The following PDE6C variants were observed in gnomAD, a reference collection of about 807,000 sequenced individuals.
PDE6C encodes the protein phosphodiesterase 6C.
Under a neutral mutation model 113.1 loss-of-function variants are expected in PDE6C, and 75 were observed. The ratio of observed to expected loss-of-function variants is 0.66; its 90% CI spans 0.55 to 0.80. The LOEUF is 0.80. Among genes scored for constraint, PDE6C ranks in the 30% least tolerant of loss-of-function variants. PDE6C has a pLI of 0.00. For missense variants in PDE6C, 912 were observed against 1,038.6 expected (o/e 0.88, Z 1.67); for synonymous variants, 375 against 363.7 (o/e 1.03, Z -0.35).
intron 8 of PDE6C, among the ~76,000 whole-genome samples, chr10:93,632,082 C>T (rs973891007): frequency 7.2e-5 from 11 of 152,180 alleles, no homozygotes; most frequent in African/African-American, 2.4e-4. Context: ...CCTGGTGACC[C>T]TTCCCCTGGC....
chr10:93,638,940 T>C (rs2058546582), intron 11 of PDE6C, among the ~76,000 whole-genome samples: 1 of 152,224 alleles, frequency 6.6e-6, no homozygotes, highest in Non-Finnish European at 1.5e-5. Context: ...TTGAAATCTG[T>C]GTAAATAGAG....
intron 8 of PDE6C, 89 bp from the exon 9 acceptor site, chr10:93,634,669 G>C (rs374036017): frequency 3.6e-6 from 5 of 1,378,546 alleles, no homozygotes; most frequent in South Asian, 1.2e-5. Flanking sequence ...AAATCTCTCT[G>C]TACATTTCTT....
Position 93,665,533 on chromosome 10 carries a change from T to G in PDE6C, c.*115T>G. On this transcript the variant is annotated 3_prime_UTR_variant, in exon 22 of 22. Transcript: ENST00000371447. Reference sequence around the variant, plus strand: ...AACAGGATCTTCAGAAAAACTACCCTGTGACTATGAAGAAAATATATATTG... The same window carrying G: ...AACAGGATCTTCAGAAAAACTACCCGGTGACTATGAAGAAAATATATATTG... The G allele has an allele frequency of 1.3e-6, 1 of 757,238 alleles. No individual in the cohort carries two copies. Among genetic ancestry groups the G allele is most frequent in the Non-Finnish European group, 2.3e-6 (1 of 432,540 alleles). 46.9% of individuals were successfully genotyped at this position (757,238 alleles called of 1,614,324 possible).
At chr10:93,649,519 T>A (rs990283188) in intron 15 of PDE6C, among the ~76,000 whole-genome samples, 23 of 152,196 alleles carry the variant, frequency 1.5e-4, no homozygotes, top group African/African-American at 5.5e-4. Flanking sequence ...GGACTCCATG[T>A]GTTCCCACTA....
chr10:93,659,156 G>A lies in PDE6C; in HGVS notation c.2197G>A (p.Val733Met). 1 of 1,609,830 alleles carries A rather than the reference G, an allele frequency of 6.2e-7. No homozygotes were observed. Residue 733 changes from valine (V) to methionine (M), a missense_variant, in exon 18 of 22, where the codon GTG becomes ATG. Transcript: ENST00000371447. The stretch of plus-strand genomic sequence containing the variant: ...GTCTGCTATTACCAAGCCCTGGGAG[G>A]TGCAAAGTCAGGTGAGTCCAGTTAA... ...DLSAITKPWEVQSQVALMVAN... is the reference protein window; with the variant it reads ...DLSAITKPWEMQSQVALMVAN...
At chr10:93,619,132 A>ATAAT (rs1277430987) in intron 1 of PDE6C, among the ~76,000 whole-genome samples, 1 of 152,180 alleles carries the variant, frequency 6.6e-6, no homozygotes, top group Non-Finnish European at 1.5e-5. Context: ...AACTAATAAG[A>ATAAT]TAATTGCCTT....
rs575078032 is a variant in PDE6C, at chr10:93,632,303, C to T, written c.1120-2455C>T. Among the ~76,000 whole-genome samples the T allele has an allele frequency of 5.3e-4, 81 of 152,308 alleles. 2 individuals carry two copies. The South Asian group carries it at 0.015, about 29-fold the overall frequency. ...AGTTCCCCTGTGTTGTGTAAGATAA[C>T]ATATTCACAGGTTCCAGAGATTAGG... is the stretch of plus-strand genomic sequence containing the variant. On this transcript the variant is annotated intron_variant, in intron 8 of 21. Coordinates refer to ENST00000371447, the MANE Select transcript of PDE6C (RefSeq NM_006204.4).
chr10:93,639,874 T>C (rs1215357834), intron 11 of PDE6C, among the ~76,000 whole-genome samples, 196 bp from the exon 12 acceptor site: 1 of 152,178 alleles, frequency 6.6e-6, no homozygotes, highest in East Asian at 1.9e-4. Flanking sequence ...ACCTGTAAAA[T>C]GGAGATAATC....
intron 8 of PDE6C, among the ~76,000 whole-genome samples, chr10:93,633,952 A>G (rs1178216887): frequency 6.6e-6 from 1 of 152,216 alleles, no homozygotes; most frequent in Non-Finnish European, 1.5e-5. Context: ...TAGAGTACAT[A>G]TAATGGCTGT....
chr10:93,647,030 C>T (rs1482536806), intron 15 of PDE6C, among the ~76,000 whole-genome samples: 1 of 152,202 alleles, frequency 6.6e-6, no homozygotes, highest in East Asian at 1.9e-4. Flanking sequence ...CCCTTGAATT[C>T]ATTGTGAATT....
intron 14 of PDE6C, 99 bp from the exon 15 acceptor site, chr10:93,645,861 G>A: frequency 2.7e-6 from 2 of 741,338 alleles, no homozygotes; most frequent in South Asian, 2.9e-5. Flanking sequence ...ATAATTGAGT[G>A]AGGAGGGAGA....
At chr10:93,664,863 T>C (rs7897417) in intron 21 of PDE6C, among the ~76,000 whole-genome samples, 354 of 152,312 alleles carry the variant, frequency 2.3e-3, no homozygotes, top group African/African-American at 6.9e-3. Context: ...CTGTTTTTTA[T>C]TTATTTAATT....
intron 15 of PDE6C, among the ~76,000 whole-genome samples, chr10:93,650,946 GTTTAT>G (rs1274231964): frequency 1.3e-5 from 2 of 151,866 alleles, no homozygotes; most frequent in Non-Finnish European, 2.9e-5. Context: ...TTCCACTATT[GTTTAT>G]TTTAATTCAA....
intron 15 of PDE6C, among the ~76,000 whole-genome samples, chr10:93,649,732 G>A (rs1471049288): frequency 6.6e-6 from 1 of 152,112 alleles, no homozygotes; most frequent in African/African-American, 2.4e-5. Flanking sequence ...AGCCTCCCAA[G>A]TAGCTAGGAT....
At chr10:93,625,340 C>A (rs2058468365) in intron 4 of PDE6C, among the ~76,000 whole-genome samples, 1 of 152,156 alleles carries the variant, frequency 6.6e-6, no homozygotes, top group South Asian at 2.1e-4. Context: ...ATCCTCACAA[C>A]AATTCTTTAG....
Position 93,663,095 on chromosome 10 carries a change from G to A in PDE6C, c.2435G>A (p.Trp812Ter), listed in dbSNP as rs1180015498. 3 of 1,613,520 alleles carry A rather than the reference G, an allele frequency of 1.9e-6. No individual in the cohort carries two copies. The highest frequency in any genetic ancestry group is 1.7e-5 in the Admixed American group (1 of 59,992). ...LSGLQNNRVE[W>*]KSLADEYDAK... The stretch of plus-strand genomic sequence containing the variant: ...GGTCTTCAGAATAACAGAGTAGAAT[G>A]GAAATCACTAGCTGATGAGTATGAT... The change falls in exon 21 of 22, where the codon TGG becomes TAG. Residue 812 changes from tryptophan (W) to a stop codon, truncating the protein, a stop_gained. Transcript: ENST00000371447. LOFTEE classifies it high-confidence loss of function.
chr10:93,628,612 A>C (rs2058485481), intron 7 of PDE6C, among the ~76,000 whole-genome samples: 1 of 152,184 alleles, frequency 6.6e-6, no homozygotes, highest in Non-Finnish European at 1.5e-5. Flanking sequence ...AAAATCAAAT[A>C]AAATGCTATG....
chr10:93,617,665 T>G (rs1200833732), intron 1 of PDE6C, among the ~76,000 whole-genome samples: 1 of 152,046 alleles, frequency 6.6e-6, no homozygotes, highest in Admixed American at 6.6e-5. Flanking sequence ...TCCCAGCTAC[T>G]TAGGAGGCTG....
intron 16 of PDE6C, among the ~76,000 whole-genome samples, chr10:93,656,069 A>G (rs566455026): frequency 6.6e-6 from 1 of 152,332 alleles, no homozygotes; most frequent in African/African-American, 2.4e-5. Context: ...TAAATTTACT[A>G]GACCTCTGGG....
Sources: allele counts gnomAD v4.1 joint callset (sites outside exome capture counted in the v4.1 genomes callset), GRCh38; gene constraint gnomAD v4.1.1; transcripts MANE v1.5; gene names NCBI Gene and HGNC (gene_info 2026-07-23, HGNC 2026-07-21).